The following WWOX variants were observed in gnomAD, a reference collection of about 807,000 sequenced individuals.
The protein encoded by WWOX is WW domain-containing oxidoreductase.
WWOX carries 69 observed loss-of-function variants against 46.2 expected under a neutral mutation model. That is an observed-to-expected ratio of 1.49 (90% CI 1.23 to 1.82). WWOX has a LOEUF of 1.82. Among genes scored for constraint, WWOX ranks in the 40% most tolerant of loss-of-function variants. The probability of loss-of-function intolerance (pLI) is 0.00; values close to 1 mark genes in which losing one functional copy is unlikely to be tolerated. For missense variants in WWOX, 919 were observed against 542.6 expected, an observed-to-expected ratio of 1.69 and a Z score of -6.89; for synonymous variants, 359 against 202.6, an observed-to-expected ratio of 1.77 and a Z score of -6.56.
At chr16:79,175,475 C>T (rs906761615) in intron 8 of WWOX, among the ~76,000 whole-genome samples, 1 of 152,198 alleles carries the variant, frequency 6.6e-6, no homozygotes, top group Non-Finnish European at 1.5e-5. Context: ...GCAGGAATCA[C>T]GTGACAATCT....
At position 79,144,702 on chromosome 16, in the gene WWOX, C is replaced by G. The variant is rs1420014443; in HGVS notation, c.1057-66906C>G. Among the ~76,000 whole-genome samples the G allele has an allele frequency of 5.3e-5, 8 of 152,188 alleles. No individual in the cohort carries two copies. In the East Asian group the frequency reaches 1.5e-3, roughly 29 times the overall value. On this transcript the variant is annotated intron_variant, in intron 8 of 8. Transcript: ENST00000566780. The stretch of plus-strand genomic sequence containing the variant: ...TAGATTCTTATATAAATTTTATTGA[C>G]CTAATGTTCTGTACAGTAGTCCTTA...
chr16:79,124,576 C>T (rs946439268), intron 8 of WWOX, among the ~76,000 whole-genome samples: 3 of 152,060 alleles, frequency 2.0e-5, no homozygotes, highest in African/African-American at 7.2e-5. Flanking sequence ...ATTCCATGGC[C>T]CTGTCCCAGC....
chr16:78,546,121 A>C (rs2044025467), intron 8 of WWOX, among the ~76,000 whole-genome samples: 1 of 152,226 alleles, frequency 6.6e-6, no homozygotes, highest in Non-Finnish European at 1.5e-5. Context: ...AAGAAGAAAG[A>C]CGGTCTTTAA....
At chr16:78,368,777 G>A (rs766109547) in intron 5 of WWOX, among the ~76,000 whole-genome samples, 3 of 152,052 alleles carry the variant, frequency 2.0e-5, no homozygotes, top group African/African-American at 4.8e-5. Flanking sequence ...ATTACCCATC[G>A]CGATTCATTT....
At chr16:78,335,456 C>G (rs750621398) in intron 5 of WWOX, among the ~76,000 whole-genome samples, 5 of 152,176 alleles carry the variant, frequency 3.3e-5, no homozygotes, top group Non-Finnish European at 5.9e-5. Flanking sequence ...AGGACATGAT[C>G]TCTTTCCTTT....
At chr16:78,615,419 C>T (rs1271390180) in intron 8 of WWOX, among the ~76,000 whole-genome samples, 1 of 152,084 alleles carries the variant, frequency 6.6e-6, no homozygotes, top group Admixed American at 6.6e-5. Context: ...GAGGCTGAGG[C>T]AGGAGGATCT....
chr16:79,105,481 T>C (rs2049289611), intron 8 of WWOX, among the ~76,000 whole-genome samples: 1 of 152,182 alleles, frequency 6.6e-6, no homozygotes, highest in Non-Finnish European at 1.5e-5. Flanking sequence ...TATCCACATT[T>C]ATATCTATAC....
intron 8 of WWOX, among the ~76,000 whole-genome samples, chr16:78,759,832 G>C (rs1204911942): frequency 6.6e-6 from 1 of 152,122 alleles, no homozygotes; most frequent in African/African-American, 2.4e-5. Flanking sequence ...TCAAAATGTT[G>C]GCAGGCCTTA....
At chr16:78,174,350 A>G (rs1188002413) in intron 5 of WWOX, among the ~76,000 whole-genome samples, 1 of 152,146 alleles carries the variant, frequency 6.6e-6, no homozygotes, top group African/African-American at 2.4e-5. Flanking sequence ...TATCATGAGA[A>G]TAGCATGGGA....
chr16:78,616,894 CAT>C (rs1251088115), intron 8 of WWOX, among the ~76,000 whole-genome samples: 1 of 152,142 alleles, frequency 6.6e-6, no homozygotes, highest in Non-Finnish European at 1.5e-5. Context: ...AGAATTTCAA[CAT>C]ATAAATTTTG....
intron 8 of WWOX, among the ~76,000 whole-genome samples, chr16:78,518,680 C>G (rs1455832039): frequency 6.6e-6 from 1 of 152,192 alleles, no homozygotes; most frequent in East Asian, 1.9e-4. Flanking sequence ...GCCGATTGTT[C>G]AGCAGCCACC....
intron 8 of WWOX, among the ~76,000 whole-genome samples, chr16:79,165,855 TAA>T (rs1048460540): frequency 1.2e-4 from 18 of 152,312 alleles, no homozygotes; most frequent in Non-Finnish European, 2.2e-4. Context: ...AACAGGGTTA[TAA>T]CTCAGTCTAA....
intron 8 of WWOX, among the ~76,000 whole-genome samples, chr16:78,701,672 A>G (rs201407659): frequency 2.0e-4 from 31 of 152,064 alleles, no homozygotes; most frequent in East Asian, 9.8e-4. Context: ...CCAAGAGTCT[A>G]TGAGCTCGAA....
At chr16:78,382,657 T>C (rs894519055) in intron 5 of WWOX, among the ~76,000 whole-genome samples, 1 of 152,178 alleles carries the variant, frequency 6.6e-6, no homozygotes, top group Non-Finnish European at 1.5e-5. Context: ...CCTGAACTTT[T>C]CATGTTCTAG....
intron 8 of WWOX, among the ~76,000 whole-genome samples, chr16:78,463,442 T>G (rs1369998675): frequency 6.6e-6 from 1 of 152,198 alleles, no homozygotes; most frequent in Non-Finnish European, 1.5e-5. Flanking sequence ...AAAATTTTTC[T>G]TTAAATTCAC....
intron 8 of WWOX, among the ~76,000 whole-genome samples, chr16:79,007,439 T>C (rs1030469080): frequency 1.3e-5 from 2 of 152,188 alleles, no homozygotes; most frequent in South Asian, 4.1e-4. Context: ...TTCGAAAGGA[T>C]GTATTGGAGA....
At chr16:79,153,354 C>T (rs8045785) in intron 8 of WWOX, among the ~76,000 whole-genome samples, 12,410 of 152,086 alleles carry the variant, frequency 0.082, 880 homozygotes, top group African/African-American at 0.19. Flanking sequence ...CCTTTCAGTG[C>T]GAAGGAATCC....
In WWOX at chr16:79,096,878, C is replaced by G. The variant is rs148614296; in HGVS notation, c.1057-114730C>G. ...AAGCCGAGGTTTGTGCCCAGAAGAT[C>G]TCACTAGATTCTTTATACTCTGGGG... On this transcript the variant is annotated intron_variant, in intron 8 of 8. Transcript: ENST00000566780. Among the ~76,000 whole-genome samples, 32 of 152,164 alleles carry G rather than the reference C, an allele frequency of 2.1e-4. No individual in the cohort carries two copies. The East Asian group carries it at 5.0e-3, about 24-fold the overall frequency.
intron 5 of WWOX, among the ~76,000 whole-genome samples, chr16:78,179,339 T>A (rs2035453855): frequency 6.6e-6 from 1 of 152,130 alleles, no homozygotes; most frequent in African/African-American, 2.4e-5. Flanking sequence ...CAGATTACAT[T>A]TGGGTATATT....
Sources: allele counts gnomAD v4.1 joint callset (sites outside exome capture counted in the v4.1 genomes callset), GRCh38; gene constraint gnomAD v4.1.1; transcripts MANE v1.5; gene names NCBI Gene and HGNC (gene_info 2026-07-23, HGNC 2026-07-21).